Variants in GULP1 observed in about 807,000 individuals in gnomAD.
The protein encoded by GULP1 is PTB domain-containing engulfment adapter protein 1.
A neutral mutation model predicts 40.9 loss-of-function variants in GULP1; 19 were observed. The observed-to-expected ratio is 0.46, with a 90% CI of 0.32 to 0.68. The LOEUF (loss-of-function observed/expected upper bound fraction) is 0.68, where lower values mean the gene tolerates loss of function less well. Ranked by LOEUF, GULP1 falls within the 30% of genes least tolerant of loss-of-function variation. The pLI is 0.03. For missense variants in GULP1, 312 were observed against 362.2 expected, an observed-to-expected ratio of 0.86 and a Z score of 1.12; for synonymous variants, 119 against 117.6, an observed-to-expected ratio of 1.01 and a Z score of -0.08.
intron 5 of GULP1, among the ~76,000 whole-genome samples, chr2:188,523,925 A>G (rs1575774141): frequency 1.3e-5 from 2 of 152,344 alleles, no homozygotes; most frequent in Middle Eastern, 6.8e-3. Flanking sequence ...CCATTTGGGA[A>G]AAAAGTGGAT....
intron 2 of GULP1, 95 bp downstream of exon 2, chr2:188,383,984 T>A (rs1272572996): frequency 6.6e-6 from 1 of 152,210 alleles, no homozygotes; most frequent in Admixed American, 6.5e-5. Flanking sequence ...TGTTTAAAAA[T>A]ATAGTCTTTT....
intron 1 of GULP1, among the ~76,000 whole-genome samples, chr2:188,294,717 CT>C (rs1433611832): frequency 2.0e-5 from 3 of 152,152 alleles, no homozygotes; most frequent in Admixed American, 6.6e-5. Context: ...AATGTTTTCC[CT>C]GACTATGATT....
intron 4 of GULP1, among the ~76,000 whole-genome samples, chr2:188,489,261 A>G (rs2062137252): frequency 6.6e-6 from 1 of 152,048 alleles, no homozygotes; most frequent in South Asian, 2.1e-4. Flanking sequence ...AACATCCCAA[A>G]TGGTTTTGAA....
intron 1 of GULP1, among the ~76,000 whole-genome samples, chr2:188,381,327 T>C (rs983226811): frequency 1.3e-5 from 2 of 152,146 alleles, no homozygotes; most frequent in African/African-American, 4.8e-5. Context: ...GCATAAAATA[T>C]TCTAGTTTGA....
chr2:188,486,734 G>C (rs1005113945), intron 4 of GULP1, among the ~76,000 whole-genome samples: 1 of 151,742 alleles, frequency 6.6e-6, no homozygotes, highest in Non-Finnish European at 1.5e-5. Flanking sequence ...TTCTATGTAG[G>C]GTTCATTAGT....
intron 7 of GULP1, among the ~76,000 whole-genome samples, chr2:188,567,620 A>G (rs1348227247): frequency 2.6e-5 from 4 of 152,056 alleles, no homozygotes; most frequent in Non-Finnish European, 4.4e-5. Context: ...GGGGAACAAC[A>G]CACACCAGGA....
intron 11 of GULP1, chr2:188,592,093 T>C (rs1703674390): frequency 6.6e-6 from 1 of 152,108 alleles, no homozygotes; most frequent in East Asian, 1.9e-4. Context: ...ACTAACACTT[T>C]ATTATTAAAA....
intron 9 of GULP1, chr2:188,582,277 T>C (rs1701475643): frequency 4.6e-6 from 2 of 431,616 alleles, no homozygotes; most frequent in African/African-American, 4.1e-5. Flanking sequence ...ATTTCAAGTA[T>C]ACTTTCTCCT....
chr2:188,393,721 T>G (rs1157502873), intron 2 of GULP1, among the ~76,000 whole-genome samples: 1 of 152,178 alleles, frequency 6.6e-6, no homozygotes, highest in Non-Finnish European at 1.5e-5. Context: ...CACCTTCTCT[T>G]TTAAGATTTA....
At position 188,416,771 on chromosome 2, in the gene GULP1, A is replaced by G. The variant is rs576007518; in HGVS notation, c.-45+32882A>G. ...GCAACAGGATAGTGAGCTCTTGAAC[A>G]TATAGTAGTTAGTAGAAAAGTGAAC... is the stretch of plus-strand genomic sequence containing the variant. On this transcript the variant is annotated intron_variant, in intron 2 of 11. Transcript: ENST00000409830. 6.6e-5 allele frequency among the ~76,000 whole-genome samples: 10 copies of G among 152,336 alleles called. 1 individual carries two copies. The South Asian group carries it at 2.1e-3, about 32-fold the overall frequency.
At position 188,292,131 on chromosome 2, in the gene GULP1, T is replaced by G. The variant is rs975884235; in HGVS notation, c.-207T>G. 6.6e-6 allele frequency: 1 copy of G among 152,302 alleles called. No individual in the cohort carries two copies. The highest frequency in any genetic ancestry group is 1.5e-5 in the Non-Finnish European group (1 of 68,122). The allele number at this position is 152,302 out of a possible 1,614,324, so 9.4% of individuals were successfully genotyped here. The stretch of plus-strand genomic sequence containing the variant: ...AGGAACCGGCAGCTCTCCACGCCCC[T>G]GCCCGAAGCCTGACCCGACTGCCTC... On this transcript the variant is annotated 5_prime_UTR_variant, in exon 1 of 12. Transcript: ENST00000409830. This position sits in a 1 kb window ranked among gnomAD's most constrained non-coding sequence, Gnocchi z 4.0.
intron 2 of GULP1, among the ~76,000 whole-genome samples, chr2:188,468,440 T>C (rs1385509524): frequency 6.6e-6 from 1 of 152,178 alleles, no homozygotes; most frequent in Non-Finnish European, 1.5e-5. Flanking sequence ...ATCAATAAAG[T>C]GTATATGATT....
At chr2:188,439,768 A>C (rs943834782) in intron 2 of GULP1, among the ~76,000 whole-genome samples, 26 of 152,244 alleles carry the variant, frequency 1.7e-4, no homozygotes, top group African/African-American at 6.0e-4. Context: ...TTTTCTCAAA[A>C]TTTGCAATAT....
chr2:188,343,350 CT>C (rs137911488), intron 1 of GULP1, among the ~76,000 whole-genome samples: 19 of 150,894 alleles, frequency 1.3e-4, no homozygotes, highest in South Asian at 4.2e-4. Flanking sequence ...GCAATCAATA[CT>C]TTTTTTTTAC....
At chr2:188,336,903 G>A (rs2042323894) in intron 1 of GULP1, among the ~76,000 whole-genome samples, 1 of 152,178 alleles carries the variant, frequency 6.6e-6, no homozygotes, top group South Asian at 2.1e-4. Context: ...TCAAACACCA[G>A]TGTGCAGATA....
intron 2 of GULP1, among the ~76,000 whole-genome samples, chr2:188,415,756 C>T (rs2054497621): frequency 6.6e-6 from 1 of 152,100 alleles, no homozygotes. Context: ...CCTGAAAACA[C>T]ATACTAATTG....
chr2:188,450,557 A>G (rs2058754853), intron 2 of GULP1, among the ~76,000 whole-genome samples: 1 of 152,102 alleles, frequency 6.6e-6, no homozygotes, highest in Non-Finnish European at 1.5e-5. Context: ...ATTTATATTC[A>G]TCTGGGTATA....
chr2:188,498,182 A>G (rs935892199), intron 4 of GULP1, among the ~76,000 whole-genome samples: 1 of 151,970 alleles, frequency 6.6e-6, no homozygotes, highest in African/African-American at 2.4e-5. Context: ...TCCCAGAGAC[A>G]TACCAGAACT....
At chr2:188,499,886 A>G (rs1387334051) in intron 4 of GULP1, among the ~76,000 whole-genome samples, 4 of 151,806 alleles carry the variant, frequency 2.6e-5, no homozygotes, top group Non-Finnish European at 5.9e-5. Flanking sequence ...TATATGAAAG[A>G]GAAAGCTGTT....
Sources: allele counts gnomAD v4.1 joint callset (sites outside exome capture counted in the v4.1 genomes callset), GRCh38; gene constraint gnomAD v4.1.1; non-coding constraint Gnocchi (gnomAD v3.1); transcripts MANE v1.5; gene names NCBI Gene and HGNC (gene_info 2026-07-23, HGNC 2026-07-21).